TRIP12: variants seen among roughly 807,000 people sequenced by gnomAD.
The protein encoded by TRIP12 is thyroid hormone receptor interactor 12.
Under a neutral mutation model 244.2 loss-of-function variants are expected in TRIP12, and 25 were observed. That is an observed-to-expected ratio of 0.10 (90% CI 0.07 to 0.14). TRIP12 has a LOEUF of 0.14. Ranked by LOEUF, TRIP12 falls within the 10% of genes least tolerant of loss-of-function variation. The pLI, the probability that TRIP12 is intolerant of heterozygous loss-of-function variation, is 1.00. For synonymous variants in TRIP12, 905 were observed against 873.1 expected, an observed-to-expected ratio of 1.04 and a Z score of -0.64; for missense variants, 1,677 against 2,486.4, an observed-to-expected ratio of 0.67 and a Z score of 6.92.
At chr2:229,879,944 A>C (rs771122181) in intron 2 of TRIP12, 38 bp downstream of exon 2, 7 of 1,606,792 alleles carry the variant, frequency 4.4e-6, no homozygotes, top group Non-Finnish European at 6.0e-6. Flanking sequence ...TTTTTCTTTT[A>C]TTCCCAATTC....
intron 15 of TRIP12, among the ~76,000 whole-genome samples, chr2:229,808,893 A>G (rs1223101247): frequency 6.6e-6 from 1 of 152,192 alleles, no homozygotes; most frequent in East Asian, 1.9e-4. Flanking sequence ...TCTCTACTGT[A>G]AGTTTCCATT....
intron 4 of TRIP12, among the ~76,000 whole-genome samples, chr2:229,841,716 G>A (rs1009519513): frequency 2.0e-5 from 3 of 152,170 alleles, no homozygotes; most frequent in African/African-American, 7.2e-5. Flanking sequence ...ATATTTCCAT[G>A]AGAACTCAGC....
At chr2:229,850,537 T>G (rs2058458023) in intron 4 of TRIP12, among the ~76,000 whole-genome samples, 1 of 152,212 alleles carries the variant, frequency 6.6e-6, no homozygotes, top group Admixed American at 6.5e-5. Flanking sequence ...TTGGTGAAAC[T>G]GAAAGGTGAC....
Position 229,767,216 on chromosome 2 carries a change from A to G in TRIP12, c.*338T>C. The G allele has an allele frequency of 4.9e-6, 1 of 206,064 alleles. No individual in the cohort carries two copies. The highest frequency in any genetic ancestry group is 9.6e-6 in the Non-Finnish European group (1 of 103,940). The allele number at this position is 206,064 out of a possible 1,614,324, so 12.8% of individuals were successfully genotyped here. ...ATGGATACACACAGCCCAGAATTAA[A>G]CTGCACAGCCACATTTATTGTTCCA... On this transcript the variant is annotated 3_prime_UTR_variant, in exon 42 of 42. Coordinates refer to ENST00000675903, the MANE Select transcript of TRIP12 (RefSeq NM_001348323.3).
chr2:229,859,390 G>C lies in TRIP12; in HGVS notation c.409C>G (p.Leu137Val), dbSNP rs746308526. 1 of 1,614,168 alleles carries C rather than the reference G, an allele frequency of 6.2e-7. No individual in the cohort carries two copies. Among genetic ancestry groups the C allele is most frequent in the Non-Finnish European group, 8.5e-7 (1 of 1,180,024 alleles). Reference sequence around the variant, plus strand: ...TCTGAGGGAGATTCAGTATGCTGAAGTGCTTTTGGTTTTTTTGCAGAGCTA... The same window carrying C: ...TCTGAGGGAGATTCAGTATGCTGAACTGCTTTTGGTTTTTTTGCAGAGCTA... ...SPSSAKKPKA[L>V]QHTESPSETN... Residue 137 changes from leucine (L) to valine (V), a missense_variant, in exon 4 of 42, where the codon CTT (leucine) becomes GTT (valine). Physicochemically the swap from Leu to Val is conservative, Grantham distance 32. Transcript: ENST00000675903.
At chr2:229,872,004 A>G (rs2062689221) in intron 2 of TRIP12, among the ~76,000 whole-genome samples, 1 of 150,026 alleles carries the variant, frequency 6.7e-6, no homozygotes, top group Non-Finnish European at 1.5e-5. Context: ...AAACCAAATG[A>G]TGAAAGGAGT....
intron 1 of TRIP12, among the ~76,000 whole-genome samples, chr2:229,894,154 C>CA (rs951599688): frequency 1.0e-4 from 15 of 145,844 alleles, no homozygotes; most frequent in Admixed American, 2.1e-4. Context: ...GACTCTGGCT[C>CA]AAAAAAAAAA....
At chr2:229,784,692 T>G (rs930525691) in intron 34 of TRIP12, among the ~76,000 whole-genome samples, 7 of 152,144 alleles carry the variant, frequency 4.6e-5, no homozygotes, top group Admixed American at 2.0e-4. Flanking sequence ...AAGGTCACAT[T>G]ATCAATCATG....
chr2:229,887,661 C>T (rs1250947787), intron 1 of TRIP12, among the ~76,000 whole-genome samples: 3 of 152,060 alleles, frequency 2.0e-5, no homozygotes, highest in African/African-American at 7.2e-5. Context: ...CAAATATAAA[C>T]CCTAAAATGA....
At chr2:229,822,392 TGAG>T (rs1356314073) in intron 8 of TRIP12, among the ~76,000 whole-genome samples, 1 of 152,168 alleles carries the variant, frequency 6.6e-6, no homozygotes, top group African/African-American at 2.4e-5. Context: ...TATTCAAATC[TGAG>T]GAGACATAGA....
intron 34 of TRIP12, among the ~76,000 whole-genome samples, chr2:229,780,204 A>G (rs2037642739): frequency 6.6e-6 from 1 of 152,204 alleles, no homozygotes; most frequent in Admixed American, 6.5e-5. Flanking sequence ...TCACCATTAA[A>G]CCCAAAATGA....
chr2:229,788,699 T>C (rs2040685334), intron 32 of TRIP12, 99 bp downstream of exon 32: 2 of 1,450,774 alleles, frequency 1.4e-6, no homozygotes, highest in African/African-American at 2.8e-5. Context: ...TAATAAACAT[T>C]TGACTAGGTC....
intron 33 of TRIP12, 26 bp from the exon 34 acceptor site, chr2:229,785,881 A>G: frequency 6.3e-7 from 1 of 1,594,222 alleles, no homozygotes; most frequent in South Asian, 1.1e-5. Flanking sequence ...AACTGTCAGG[A>G]AACTATGCTC....
chr2:229,921,814 C>G (rs1192852056), intron 1 of TRIP12, 66 bp downstream of exon 1: 3 of 132,034 alleles, frequency 2.3e-5, no homozygotes, highest in Non-Finnish European at 4.9e-5. Flanking sequence ...CCCCGCCCCC[C>G]CAACCCCTCA....
chr2:229,780,433 G>A (rs1057401829), intron 34 of TRIP12, among the ~76,000 whole-genome samples: 10 of 152,076 alleles, frequency 6.6e-5, no homozygotes, highest in African/African-American at 2.4e-4. Context: ...ATTCTCACAG[G>A]AGCAAGCGTA....
intron 32 of TRIP12, 109 bp downstream of exon 32, chr2:229,788,689 T>C: frequency 7.2e-7 from 1 of 1,385,694 alleles, no homozygotes; most frequent in Non-Finnish European, 9.9e-7. Context: ...TCAACAGTAT[T>C]AATAAACATT....
chr2:229,868,024 T>C (rs1309527877), intron 2 of TRIP12, among the ~76,000 whole-genome samples: 1 of 152,196 alleles, frequency 6.6e-6, no homozygotes, highest in Non-Finnish European at 1.5e-5. Flanking sequence ...AGCACCATAT[T>C]ATCTTGCCTC....
rs1213039697 is a variant in TRIP12, at chr2:229,769,343, G to T, written c.5809-18C>A. The stretch of plus-strand genomic sequence containing the variant: ...TGATCCAGCTGTGAGTTTAAATAAG[G>T]GTAAAAAGAATTACTAAGGAAACAT... On this transcript the variant is annotated intron_variant, in intron 39 of 41. Coordinates refer to ENST00000675903, the MANE Select transcript of TRIP12 (RefSeq NM_001348323.3). 6 of 1,611,068 alleles carry T rather than the reference G, an allele frequency of 3.7e-6. No individual in the cohort carries two copies. Among genetic ancestry groups the T allele is most frequent in the Non-Finnish European group, 5.1e-6 (6 of 1,178,224 alleles).
At chr2:229,900,203 A>G (rs984221871) in intron 1 of TRIP12, among the ~76,000 whole-genome samples, 4 of 152,234 alleles carry the variant, frequency 2.6e-5, no homozygotes, top group Non-Finnish European at 5.9e-5. Context: ...CAACCTAGGA[A>G]TTAAAAAACA....
Sources: gnomAD v4.1 joint callset for allele counts (sites outside exome capture counted in the v4.1 genomes callset) on GRCh38, gnomAD v4.1.1 for gene constraint, MANE v1.5 for transcripts, NCBI Gene and HGNC (gene_info 2026-07-23, HGNC 2026-07-21) for gene names.